The following MGAM variants were observed in gnomAD, a reference collection of about 807,000 sequenced individuals.
MGAM encodes alpha-1,4-glucosidase.
Under a neutral mutation model 358.8 loss-of-function variants are expected in MGAM, and 253 were observed. That is an observed-to-expected ratio of 0.71 (90% CI 0.64 to 0.78). MGAM has a LOEUF of 0.78. MGAM is among the 30% of genes least tolerant of loss of function. MGAM has a pLI of 0.00. For missense variants in MGAM, 3,080 were observed against 3,432.6 expected (o/e 0.90, Z 2.57); for synonymous variants, 1,105 against 1,227.1 (o/e 0.90, Z 2.08).
chr7:142,034,852 A>G lies in MGAM; in HGVS notation c.1959+11A>G. 1 of 1,606,648 alleles carries G rather than the reference A, an allele frequency of 6.2e-7. No individual in the cohort carries two copies. The highest frequency in any genetic ancestry group is 8.5e-7 in the Non-Finnish European group (1 of 1,175,318). Reference sequence around the variant, plus strand: ...TTTGGCATCCCAATGGTGAGCTGCTACCTCAAGCTCTCTTATGAACCTGAA... The same window carrying G: ...TTTGGCATCCCAATGGTGAGCTGCTGCCTCAAGCTCTCTTATGAACCTGAA... On this transcript the variant is annotated intron_variant, in intron 16 of 70. Coordinates refer to ENST00000475668, the MANE Select transcript of MGAM (RefSeq NM_001365693.1).
chr7:142,005,664 AG>A lies in MGAM; in HGVS notation c.127+8del. 6.2e-7 allele frequency: 1 copy of A among 1,600,540 alleles called. No individual in the cohort carries two copies. The highest frequency in any genetic ancestry group is 8.5e-7 in the Non-Finnish European group (1 of 1,172,976). On this transcript the variant is annotated splice_region_variant and intron_variant, in intron 2 of 70. Coordinates refer to ENST00000475668, the MANE Select transcript of MGAM (RefSeq NM_001365693.1). The stretch of plus-strand genomic sequence containing the variant: ...GAGTCACTGAAATCAACAGGTAAGA[AG>A]TAACTCTGGGGCTCTCTCCATATGT...
rs530920759 is a variant in MGAM, at chr7:142,087,870, C to G, written c.6810+1153C>G. 6.2e-4 allele frequency among the ~76,000 whole-genome samples: 91 copies of G among 146,604 alleles called. 2 individuals carry two copies. The highest frequency in any genetic ancestry group is 2.1e-3 in the African/African-American group (85 of 41,284). On this transcript the variant is annotated intron_variant, in intron 57 of 70. Transcript: ENST00000475668. ...CTCAGAAGTCCAGGGGCAAAGACCT[C>G]TTTTGGGAGTTCTTTCTACGTAATG...
chr7:142,008,577 A>G lies in MGAM; in HGVS notation c.199A>G (p.Thr67Ala). 2 of 1,613,026 alleles carry G rather than the reference A, an allele frequency of 1.2e-6. No homozygotes were observed. The highest frequency in any genetic ancestry group is 3.3e-5 in the Admixed American group (2 of 59,864). The change falls in exon 3 of 71, where the codon ACC (threonine) becomes GCC (alanine). Residue 67 changes from threonine to alanine, a missense_variant. Thr to Ala is a moderately conservative substitution (Grantham distance 58). Coordinates refer to ENST00000475668, the MANE Select transcript of MGAM (RefSeq NM_001365693.1). ...TGTPDPGTTGTTHARTTGPPD... is the reference protein window; with the variant it reads ...TGTPDPGTTGATHARTTGPPD... Reference sequence around the variant, plus strand: ...TACCCCAGATCCTGGAACAACTGGTACCACACATGCTAGGACAACGGGTCC... The same window carrying G: ...TACCCCAGATCCTGGAACAACTGGTGCCACACATGCTAGGACAACGGGTCC...
At chr7:141,991,871 C>T (rs2128970488), upstream of MGAM, among the ~76,000 whole-genome samples, 1 of 152,280 alleles carries the variant, frequency 6.6e-6, no homozygotes, top group Non-Finnish European at 1.5e-5. Flanking sequence ...CTCCAGGCAC[C>T]ACAATGATTA....
chr7:142,068,214 G>T (rs1441121284), intron 42 of MGAM, among the ~76,000 whole-genome samples: 1 of 137,186 alleles, frequency 7.3e-6, no homozygotes, highest in Non-Finnish European at 1.6e-5. Flanking sequence ...AGCCAGGATG[G>T]TCTCAATATC....
At chr7:142,064,333 G>T in intron 36 of MGAM, 51 bp from the exon 37 acceptor site, 1 of 1,574,416 alleles carries the variant, frequency 6.4e-7, no homozygotes, top group Non-Finnish European at 8.6e-7. Context: ...GAGAAGTCAG[G>T]GAGAAACAGA....
rs782029813 is a variant in MGAM at position 142,019,181 on chromosome 7, A to T, written c.328-18A>T. ...TCTACAACTAAATGGAGCTTCTTTG[A>T]CTAACCTCTTGTTTCAGGCCACATG... On this transcript the variant is annotated intron_variant, in intron 3 of 70. Transcript: ENST00000475668. 1 of 1,610,824 alleles carries T rather than the reference A, an allele frequency of 6.2e-7. No homozygotes were observed. The highest frequency in any genetic ancestry group is 1.7e-5 in the Admixed American group (1 of 59,754).
rs139140226 is a variant in MGAM at position 142,048,576 on chromosome 7, C to A, written c.2587+703C>A. Among the ~76,000 whole-genome samples the A allele has an allele frequency of 2.8e-4, 42 of 147,566 alleles. No homozygotes were observed. The East Asian group carries it at 6.1e-3, about 21-fold the overall frequency. On this transcript the variant is annotated intron_variant, in intron 22 of 70. Transcript: ENST00000475668. ...AATGTTGATGATATAGAAATCATGC[C>A]CCTGCCAGTGAGGCAGTGAGAATAT...
chr7:141,991,470 G>A (rs1421013398), upstream of MGAM, among the ~76,000 whole-genome samples: 4 of 150,654 alleles, frequency 2.7e-5, no homozygotes, highest in African/African-American at 9.8e-5. Flanking sequence ...ATCTCACTCT[G>A]TTGCCCAGGC....
chr7:142,018,498 A>G lies in MGAM; in HGVS notation c.328-701A>G, dbSNP rs75497303. Among the ~76,000 whole-genome samples, 1,157 of 152,348 alleles carry G rather than the reference A, an allele frequency of 7.6e-3. 5 individuals carry two copies. The highest frequency in any genetic ancestry group is 0.015 in the South Asian group (73 of 4,826). ...TTACTTGCAAATCACTTGATTCAGC[A>G]TGCACTCAAGAGGAGAGAGTTCTTT... is the stretch of plus-strand genomic sequence containing the variant. On this transcript the variant is annotated intron_variant, in intron 3 of 70. Transcript: ENST00000475668.
In MGAM at chr7:142,072,284, T is replaced by C. The variant is rs1016434055; in HGVS notation, c.5186+1166T>C. Among the ~76,000 whole-genome samples the C allele has an allele frequency of 1.5e-4, 22 of 146,058 alleles. 1 individual carries two copies. The highest frequency in any genetic ancestry group is 5.4e-4 in the African/African-American group (22 of 41,110). Reference sequence around the variant, plus strand: ...CCAGGTATGCCAAAAAACTGGCGATTTCCCAAACATACCCATGTATTTTAC... The same window carrying C: ...CCAGGTATGCCAAAAAACTGGCGATCTCCCAAACATACCCATGTATTTTAC... On this transcript the variant is annotated intron_variant, in intron 44 of 70. Transcript: ENST00000475668.
rs1485587725 is a variant in MGAM, at chr7:142,044,064, C to T, written c.2498+3218C>T. ...ATAATATATACATTATATACACATACGACGTATAATACATTATATACACAT... is the reference window on the plus strand; with the variant it reads ...ATAATATATACATTATATACACATATGACGTATAATACATTATATACACAT... On this transcript the variant is annotated intron_variant, in intron 21 of 70. Transcript: ENST00000475668. Among the ~76,000 whole-genome samples, 3 of 131,686 alleles carry T rather than the reference C, an allele frequency of 2.3e-5. No homozygotes were observed. The East Asian group carries it at 7.1e-4, about 31-fold the overall frequency. 86.4% of individuals were successfully genotyped at this position (131,686 alleles called of 152,430 possible). A position where few individuals can be genotyped will look rare whatever the true frequency, so the allele number is the denominator to read the frequency against.
At chr7:142,063,225 A>C (rs1812400641) in intron 35 of MGAM, among the ~76,000 whole-genome samples, 1 of 151,580 alleles carries the variant, frequency 6.6e-6, no homozygotes, top group South Asian at 2.1e-4. Context: ...CCAAAAAAAA[A>C]ACCTGGGAGG....
chr7:142,066,008 C>A (rs148262852), intron 40 of MGAM, among the ~76,000 whole-genome samples, 177 bp downstream of exon 40: 1 of 137,976 alleles, frequency 7.2e-6, no homozygotes, highest in East Asian at 2.2e-4. Context: ...GTTGGCCAGG[C>A]TGAATCGTGC....
intron 41 of MGAM, 94 bp downstream of exon 41, chr7:142,066,815 C>A: frequency 7.2e-7 from 1 of 1,379,334 alleles, no homozygotes; most frequent in Non-Finnish European, 1.0e-6. Context: ...AAATTAAAGA[C>A]ATGATGGCCT....
Position 142,087,794 on chromosome 7 carries a change from T to C in MGAM, c.6810+1077T>C, listed in dbSNP as rs1288734212. Among the ~76,000 whole-genome samples the C allele has an allele frequency of 2.0e-5, 3 of 146,400 alleles. 1 individual carries two copies. The highest frequency in any genetic ancestry group is 1.4e-4 in the Admixed American group (2 of 14,572). On this transcript the variant is annotated intron_variant, in intron 57 of 70. Transcript: ENST00000475668. ...CAGGATCAAGTATTAATCAGACAAATATCCATGTTGTGGGCACAAATCCCA... is the reference window on the plus strand; with the variant it reads ...CAGGATCAAGTATTAATCAGACAAACATCCATGTTGTGGGCACAAATCCCA...
intron 64 of MGAM, 110 bp downstream of exon 64, chr7:142,095,823 C>G: frequency 6.7e-7 from 1 of 1,489,900 alleles, no homozygotes; most frequent in Non-Finnish European, 9.1e-7. Context: ...GACATGAGCT[C>G]TTCAGGTGCA....
Position 142,090,573 on chromosome 7 carries a change from C to T in MGAM, c.6811-1340C>T, listed in dbSNP as rs1454037121. Among the ~76,000 whole-genome samples, 4 of 146,096 alleles carry T rather than the reference C, an allele frequency of 2.7e-5. 1 individual carries two copies. The highest frequency in any genetic ancestry group is 2.0e-4 in the East Asian group (1 of 4,954). ...GTAGGCTGGTCTGTTTCTGTTTTCTCATGTTCCTTTTCTTGCCCTTTATGT... is the reference window on the plus strand; with the variant it reads ...GTAGGCTGGTCTGTTTCTGTTTTCTTATGTTCCTTTTCTTGCCCTTTATGT... On this transcript the variant is annotated intron_variant, in intron 57 of 70. Coordinates refer to ENST00000475668, the MANE Select transcript of MGAM (RefSeq NM_001365693.1).
intron 47 of MGAM, 92 bp from the exon 48 acceptor site, chr7:142,078,226 T>A: frequency 9.2e-7 from 1 of 1,087,062 alleles, no homozygotes. Flanking sequence ...TGTCTATTTG[T>A]TTTTCCAAAA....
Sources: allele counts gnomAD v4.1 joint callset (sites outside exome capture counted in the v4.1 genomes callset), GRCh38; gene constraint gnomAD v4.1.1; transcripts MANE v1.5; gene names NCBI Gene and HGNC (gene_info 2026-07-23, HGNC 2026-07-21).